The following MARK3 variants were observed in gnomAD, a reference collection of about 807,000 sequenced individuals.
MARK3 encodes microtubule affinity regulating kinase 3, also known as MAP/microtubule affinity-regulating kinase 3.
In MARK3, 46 loss-of-function variants were observed where a neutral mutation model predicts 90.1. The observed-to-expected ratio is 0.51, with a 90% confidence interval of 0.40 to 0.65. The LOEUF is 0.65. Among genes scored for constraint, MARK3 ranks in the 30% least tolerant of loss-of-function variants. The probability of loss-of-function intolerance (pLI) is 0.00; values close to 1 mark genes in which losing one functional copy is unlikely to be tolerated. For synonymous variants in MARK3, 321 were observed against 332.6 expected (o/e 0.97, Z 0.38); for missense variants, 818 against 947.2 (o/e 0.86, Z 1.79).
At chr14:103,468,323 T>C (rs2093556842) in intron 12 of MARK3, 137 bp downstream of exon 12, 158 of 585,818 alleles carry the variant, frequency 2.7e-4, no homozygotes, top group Admixed American at 3.0e-4. Context: ...TCTTTTTTTT[T>C]TTTTTTTTTT....
intron 2 of MARK3, among the ~76,000 whole-genome samples, chr14:103,411,673 A>T (rs1595532524): frequency 6.6e-6 from 1 of 151,124 alleles, no homozygotes. Flanking sequence ...GCTAGGCTGG[A>T]GTGCAGTGGC....
chr14:103,497,116 A>G (rs2075393998), intron 15 of MARK3, among the ~76,000 whole-genome samples: 1 of 152,246 alleles, frequency 6.6e-6, no homozygotes, highest in Admixed American at 6.5e-5. Context: ...AATCATTTTC[A>G]ACTAAAATAT....
intron 3 of MARK3, among the ~76,000 whole-genome samples, chr14:103,431,129 C>G (rs1055702320): frequency 6.6e-6 from 1 of 152,008 alleles, no homozygotes; most frequent in African/African-American, 2.4e-5. Context: ...GCTCTGTTGC[C>G]CAGGCTGGAG....
intron 13 of MARK3, among the ~76,000 whole-genome samples, chr14:103,479,628 C>CTTTTTTTTTTTTTTTT (rs34768749): frequency 3.8e-5 from 3 of 78,238 alleles, no homozygotes; most frequent in African/African-American, 5.3e-5. Flanking sequence ...ATACGTATAG[C>CTTTTTTTTTTTTTTTT]TTTTTTTTTT....
intron 11 of MARK3, 106 bp from the exon 12 acceptor site, chr14:103,467,927 T>C (rs1322826372): frequency 9.0e-7 from 1 of 1,116,956 alleles, no homozygotes; most frequent in Non-Finnish European, 1.3e-6. Flanking sequence ...CTCCTCTCTC[T>C]GAATGAACGG....
intron 14 of MARK3, among the ~76,000 whole-genome samples, chr14:103,487,067 C>G (rs940904539): frequency 2.0e-5 from 3 of 151,738 alleles, no homozygotes; most frequent in Non-Finnish European, 4.4e-5. Context: ...CAGGGGCCCG[C>G]CACCACACCC....
chr14:103,393,222 C>T (rs1455197539), intron 1 of MARK3, among the ~76,000 whole-genome samples: 1 of 152,084 alleles, frequency 6.6e-6, no homozygotes, highest in Non-Finnish European at 1.5e-5. Flanking sequence ...CCTCATGATC[C>T]TCCCACTTCC....
At chr14:103,435,347 T>A (rs1483263081) in intron 3 of MARK3, among the ~76,000 whole-genome samples, 6 of 150,750 alleles carry the variant, frequency 4.0e-5, no homozygotes, top group African/African-American at 1.5e-4. Context: ...TGGCTCCTAG[T>A]CTGTCTTCAC....
At chr14:103,492,502 A>G (rs1224769701) in intron 15 of MARK3, among the ~76,000 whole-genome samples, 3 of 152,180 alleles carry the variant, frequency 2.0e-5, no homozygotes, top group Non-Finnish European at 4.4e-5. Context: ...TAAGAGTCCA[A>G]ATCTTGAAAG....
chr14:103,439,065 C>T (rs890090860), intron 3 of MARK3, among the ~76,000 whole-genome samples: 11 of 150,516 alleles, frequency 7.3e-5, no homozygotes, highest in African/African-American at 2.7e-4. Context: ...TGTTGTATTA[C>T]TCAGCTAAAG....
chr14:103,399,365 C>T (rs1350581153), intron 1 of MARK3, among the ~76,000 whole-genome samples: 5 of 152,110 alleles, frequency 3.3e-5, no homozygotes, highest in Non-Finnish European at 5.9e-5. Context: ...CTGAACGTCA[C>T]AAAGACCTAA....
chr14:103,404,814 T>C (rs1475234382), intron 1 of MARK3, among the ~76,000 whole-genome samples: 1 of 152,188 alleles, frequency 6.6e-6, no homozygotes, highest in East Asian at 1.9e-4. Flanking sequence ...GCCCTTTTAC[T>C]CCTATTTTAT....
intron 2 of MARK3, among the ~76,000 whole-genome samples, chr14:103,425,535 G>C (rs2092376392): frequency 6.6e-6 from 1 of 152,238 alleles, no homozygotes; most frequent in Non-Finnish European, 1.5e-5. Flanking sequence ...GGGATTACAG[G>C]CATGAGCCAC....
In MARK3 at chr14:103,475,041, C is replaced by A; in HGVS notation, c.1313C>A (p.Thr438Asn). ...GTGGCGTATCCGAAAAGGAGTCAGACCAGCACTGCAGATAGTGACCTCAAA... is the reference window on the plus strand; with the variant it reads ...GTGGCGTATCCGAAAAGGAGTCAGAACAGCACTGCAGATAGTGACCTCAAA... Reference protein sequence around the residue: ...SVVAYPKRSQTSTADSDLKED... With the variant: ...SVVAYPKRSQNSTADSDLKED... The change falls in exon 13 of 18, where the codon ACC (threonine) becomes AAC (asparagine). Residue 438 changes from threonine (T) to asparagine (N), a missense_variant. This residue lies in a region of MARK3 where 560 missense variants were observed against 613.5 expected (regional missense o/e 0.91). Transcript: ENST00000429436. The A allele has an allele frequency of 6.2e-7, 1 of 1,614,156 alleles. No individual in the cohort carries two copies. The highest frequency in any genetic ancestry group is 8.5e-7 in the Non-Finnish European group (1 of 1,180,016).
rs150000409 is a variant in MARK3, at chr14:103,471,106, A to T, written c.1264+2920A>T. On this transcript the variant is annotated intron_variant, in intron 12 of 17. Coordinates refer to ENST00000429436, the MANE Select transcript of MARK3 (RefSeq NM_001128918.3). ...TTTTTTGTGTTCATGTTAGTCACTA[A>T]CAAGGGGGGTTTCTAGTGCTTATGG... 9.3e-4 allele frequency among the ~76,000 whole-genome samples: 141 copies of T among 152,274 alleles called. 2 individuals are homozygous for T. The highest frequency in any genetic ancestry group is 3.4e-3 in the African/African-American group (140 of 41,558).
intron 1 of MARK3, among the ~76,000 whole-genome samples, chr14:103,398,151 C>G (rs1255632695): frequency 6.6e-6 from 1 of 152,092 alleles, no homozygotes; most frequent in Non-Finnish European, 1.5e-5. Context: ...AACTCTGTCA[C>G]CACAAAAAAA....
Position 103,476,820 on chromosome 14 carries a change from A to C in MARK3, c.1482+1610A>C, listed in dbSNP as rs2093723015. Among the ~76,000 whole-genome samples the C allele has an allele frequency of 2.0e-5, 3 of 152,304 alleles. 1 individual carries two copies. The South Asian group carries it at 6.2e-4, about 32-fold the overall frequency. On this transcript the variant is annotated intron_variant, in intron 13 of 17. Transcript: ENST00000429436. The stretch of plus-strand genomic sequence containing the variant: ...TTTGCATGTTTCATCCTCTGACCTT[A>C]TGCTTAGTCGAAGTAAACCCTGTGT...
At chr14:103,491,544 T>A (rs2094016558) in intron 14 of MARK3, 3 of 470,576 alleles carry the variant, frequency 6.4e-6, no homozygotes, top group Admixed American at 3.9e-5. Flanking sequence ...ATCTTGTCCT[T>A]GAAAATATAT....
chr14:103,425,590 A>G (rs980122338), intron 2 of MARK3, among the ~76,000 whole-genome samples: 9 of 152,210 alleles, frequency 5.9e-5, no homozygotes, highest in Admixed American at 5.9e-4. Context: ...CTTATGTGCC[A>G]GTTAGGGCTA....
Sources: allele counts gnomAD v4.1 joint callset (sites outside exome capture counted in the v4.1 genomes callset), GRCh38; gene constraint gnomAD v4.1.1; regional missense constraint gnomAD v4.1.1; transcripts MANE v1.5; gene names NCBI Gene and HGNC (gene_info 2026-07-23, HGNC 2026-07-21).